Variants in SCEL observed in about 807,000 individuals in gnomAD.
The protein encoded by SCEL is sciellin.
In SCEL, 113 loss-of-function variants were observed where a neutral mutation model predicts 117.6. The ratio of observed to expected loss-of-function variants is 0.96; its 90% confidence interval spans 0.83 to 1.12. The LOEUF (loss-of-function observed/expected upper bound fraction) is 1.12. SCEL is among the 50% of genes most tolerant of loss of function. The pLI, the probability that SCEL is intolerant of heterozygous loss-of-function variation, is 0.00. For missense variants in SCEL, 785 were observed against 810.8 expected, an observed-to-expected ratio of 0.97 and a Z score of 0.39; for synonymous variants, 270 against 256.2, an observed-to-expected ratio of 1.05 and a Z score of -0.51.
At chr13:77,597,653 C>T in intron 13 of SCEL, 64 bp downstream of exon 13, 2 of 917,048 alleles carry the variant, frequency 2.2e-6, no homozygotes, top group Non-Finnish European at 3.3e-6. Context: ...TATGCCTTTC[C>T]AGTCTTTGAG....
chr13:77,636,699 C>A (rs547573707), intron 29 of SCEL, among the ~76,000 whole-genome samples: 9 of 152,228 alleles, frequency 5.9e-5, no homozygotes, highest in African/African-American at 2.2e-4. Flanking sequence ...ATTTTGCATG[C>A]TTTTTCTAAA....
At chr13:77,552,486 A>G (rs2084391718) in intron 1 of SCEL, among the ~76,000 whole-genome samples, 2 of 151,652 alleles carry the variant, frequency 1.3e-5, no homozygotes, top group Non-Finnish European at 3.0e-5. Context: ...GGCTGCATAA[A>G]TGTCTTCTTT....
Position 77,608,134 on chromosome 13 carries a change from C to T in SCEL, c.1217+19C>T, listed in dbSNP as rs781707533. 47 of 1,580,360 alleles carry T rather than the reference C, an allele frequency of 3.0e-5. No homozygotes were observed. The Admixed American group carries it at 7.7e-4, about 26-fold the overall frequency. On this transcript the variant is annotated intron_variant, in intron 20 of 32. Coordinates refer to ENST00000349847, the MANE Select transcript of SCEL (RefSeq NM_144777.3). ...ACCAAGGGTGAGGACTATGTCTTAC[C>T]TCTCTTCCTTCCCCTTCCCCATCCA...
rs368651342 is a variant in SCEL, at chr13:77,568,397, C to T, written c.398+64C>T. 221 of 970,524 alleles carry T rather than the reference C, an allele frequency of 2.3e-4. 1 individual carries two copies. Among genetic ancestry groups the T allele is most frequent in the Non-Finnish European group, 2.9e-4 (185 of 628,190 alleles). The allele number at this position is 970,524 out of a possible 1,614,324, so 60.1% of individuals were successfully genotyped here. ...GTATTCAAGAAAAACCAGGGAAAAC[C>T]ACCTCAGGCCAATTTTATTGGAATA... On this transcript the variant is annotated intron_variant, in intron 7 of 32. Transcript: ENST00000349847.
At chr13:77,628,365 T>C (rs1295300060) in intron 28 of SCEL, among the ~76,000 whole-genome samples, 2 of 152,082 alleles carry the variant, frequency 1.3e-5, no homozygotes, top group Admixed American at 6.6e-5. Context: ...TACTTACTGT[T>C]GCTTGGTAAG....
rs558747941 is a variant in SCEL at position 77,644,516 on chromosome 13, T to G, written c.*242T>G. The G allele has an allele frequency of 5.0e-4, 232 of 464,998 alleles. 1 individual carries two copies. Among genetic ancestry groups the G allele is most frequent in the Non-Finnish European group, 5.8e-4 (149 of 257,018 alleles). The allele number at this position is 464,998 out of a possible 1,614,324, so 28.8% of individuals were successfully genotyped here. On this transcript the variant is annotated 3_prime_UTR_variant, in exon 33 of 33. Coordinates refer to ENST00000349847, the MANE Select transcript of SCEL (RefSeq NM_144777.3). ...AAGTTCAAATGGTTCCAGATTCCAG[T>G]GTCAAAGGAGTGATGCATTACACTC... is the stretch of plus-strand genomic sequence containing the variant.
chr13:77,573,472 C>T (rs767605067), intron 9 of SCEL, among the ~76,000 whole-genome samples: 1 of 152,058 alleles, frequency 6.6e-6, no homozygotes, highest in Non-Finnish European at 1.5e-5. Context: ...TAGAATTTTC[C>T]TCTACTGTGC....
At chr13:77,613,639 C>T (rs2088825133) in intron 23 of SCEL, among the ~76,000 whole-genome samples, 1 of 151,800 alleles carries the variant, frequency 6.6e-6, no homozygotes, top group African/African-American at 2.4e-5. Flanking sequence ...GTATCTGGCC[C>T]CAGGGAGTGC....
rs117140452 is a variant in SCEL, at chr13:77,587,412, T to G, written c.546-1732T>G. 0.012 allele frequency among the ~76,000 whole-genome samples: 1,813 copies of G among 152,214 alleles called. 99 individuals carry two copies. The East Asian group carries it at 0.13, about 11-fold the overall frequency. ...TCATACCTACATGCTGTAGTAACCT[T>G]CCTCGATCCATCAGCCTCGAAGTAG... On this transcript the variant is annotated intron_variant, in intron 9 of 32. Coordinates refer to ENST00000349847, the MANE Select transcript of SCEL (RefSeq NM_144777.3).
chr13:77,542,295 G>A (rs1428638880), intron 1 of SCEL, among the ~76,000 whole-genome samples: 1 of 152,166 alleles, frequency 6.6e-6, no homozygotes, highest in Non-Finnish European at 1.5e-5. Flanking sequence ...CAGCTACTCA[G>A]GAGGCTGAGG....
intron 12 of SCEL, among the ~76,000 whole-genome samples, chr13:77,595,364 A>G (rs935331954): frequency 6.6e-6 from 1 of 152,232 alleles, no homozygotes; most frequent in African/African-American, 2.4e-5. Flanking sequence ...TGTTACTGCT[A>G]TCTGATTAAG....
chr13:77,582,435 T>C (rs1594017383), intron 9 of SCEL, among the ~76,000 whole-genome samples: 1 of 151,906 alleles, frequency 6.6e-6, no homozygotes, highest in Non-Finnish European at 1.5e-5. Flanking sequence ...ACCATGTTGG[T>C]CAGGCTGGTC....
chr13:77,599,939 G>A lies in SCEL; in HGVS notation c.917+191G>A, dbSNP rs1594077579. 5 of 557,214 alleles carry A rather than the reference G, an allele frequency of 9.0e-6. No individual in the cohort carries two copies. In the East Asian group the frequency reaches 1.4e-4, roughly 16 times the overall value. The allele number at this position is 557,214 out of a possible 1,614,324, so 34.5% of individuals were successfully genotyped here. A position where few individuals can be genotyped will look rare whatever the true frequency, so the allele number is the denominator to read the frequency against. ...CAATCTGGGTGACCCTGGGCAAGTT[G>A]TGTAATTTCTGGAGAGCTCTGTTTC... On this transcript the variant is annotated intron_variant, in intron 15 of 32. Coordinates refer to ENST00000349847, the MANE Select transcript of SCEL (RefSeq NM_144777.3).
chr13:77,589,999 G>A (rs2086780442), intron 10 of SCEL, among the ~76,000 whole-genome samples: 2 of 152,174 alleles, frequency 1.3e-5, no homozygotes, highest in South Asian at 4.2e-4. Flanking sequence ...TAACTCAACG[G>A]AGATTGACTA....
At chr13:77,640,243 T>G (rs2090496089) in intron 30 of SCEL, among the ~76,000 whole-genome samples, 1 of 152,172 alleles carries the variant, frequency 6.6e-6, no homozygotes, top group South Asian at 2.1e-4. Context: ...ATTTCTATTT[T>G]GGGCCTGTTG....
intron 3 of SCEL, among the ~76,000 whole-genome samples, chr13:77,558,281 G>A (rs2084771954): frequency 6.6e-6 from 1 of 152,142 alleles, no homozygotes; most frequent in Non-Finnish European, 1.5e-5. Context: ...AGGGAAAATT[G>A]GCTTTGATGC....
At chr13:77,571,329 C>T (rs1160416144) in intron 8 of SCEL, among the ~76,000 whole-genome samples, 3 of 147,512 alleles carry the variant, frequency 2.0e-5, no homozygotes. Flanking sequence ...TGCAGTGAGC[C>T]GAGATCGCGC....
intron 29 of SCEL, among the ~76,000 whole-genome samples, chr13:77,635,740 AT>A (rs940783821): frequency 6.6e-6 from 1 of 152,156 alleles, no homozygotes; most frequent in African/African-American, 2.4e-5. Context: ...ACTATGGTTT[AT>A]TTTTTTAAAA....
At chr13:77,610,453 A>G (rs1036958412) in intron 22 of SCEL, among the ~76,000 whole-genome samples, 1 of 149,616 alleles carries the variant, frequency 6.7e-6, no homozygotes. Flanking sequence ...CTCCGTCAAA[A>G]AAAAAAAAAA....
Sources: allele counts gnomAD v4.1 joint callset (sites outside exome capture counted in the v4.1 genomes callset), GRCh38; gene constraint gnomAD v4.1.1; transcripts MANE v1.5; gene names NCBI Gene and HGNC (gene_info 2026-07-23, HGNC 2026-07-21).